Variants in SLC16A2 observed in about 807,000 individuals in gnomAD.
SLC16A2 encodes monocarboxylate transporter 8.
A neutral mutation model predicts 27.2 loss-of-function variants in SLC16A2; 3 were observed. That is an observed-to-expected ratio of 0.11 (90% CI 0.05 to 0.28). The LOEUF (loss-of-function observed/expected upper bound fraction) is 0.28, where lower values mean the gene tolerates loss of function less well. Among genes scored for constraint, SLC16A2 ranks in the 10% least tolerant of loss-of-function variants. SLC16A2 has a pLI of 1.00. For synonymous variants in SLC16A2, 202 were observed against 187.8 expected (o/e 1.08, Z -0.62); for missense variants, 295 against 458.5 (o/e 0.64, Z 3.26).
At chrX:74,433,236 G>A in intron 1 of SLC16A2, among the ~76,000 whole-genome samples, 1 of 110,647 alleles carries the variant, frequency 9.0e-6, no homozygotes, top group African/African-American at 3.3e-5. Flanking sequence ...GCTGGGCGCA[G>A]TGGTGTGCAC....
At chrX:74,439,592 C>T (rs1928705179) in intron 1 of SLC16A2, among the ~76,000 whole-genome samples, 1 of 105,810 alleles carries the variant, frequency 9.5e-6, no homozygotes, top group South Asian at 4.3e-4. Context: ...TCACCCACCA[C>T]ACCCAGCCTC....
chrX:74,448,238 T>C (rs1402533163), intron 1 of SLC16A2, among the ~76,000 whole-genome samples: 1 of 109,186 alleles, frequency 9.2e-6, no homozygotes, highest in Non-Finnish European at 1.9e-5. Flanking sequence ...TTTTAAACAA[T>C]CTTATCAGGT....
intron 1 of SLC16A2, among the ~76,000 whole-genome samples, chrX:74,435,081 C>T (rs768543304): frequency 9.1e-6 from 1 of 109,659 alleles, no homozygotes; most frequent in South Asian, 4.0e-4. Flanking sequence ...CCGCCTGCCT[C>T]GGCCTCCCAA....
chrX:74,475,961 T>C (rs376071881), intron 1 of SLC16A2, among the ~76,000 whole-genome samples: 30 of 111,377 alleles, frequency 2.7e-4, no homozygotes, highest in Admixed American at 3.8e-4. Context: ...CTTGGCAATG[T>C]GGGCTCTTTT....
At chrX:74,528,824 A>G in intron 4 of SLC16A2, among the ~76,000 whole-genome samples, 1 of 111,747 alleles carries the variant, frequency 8.9e-6, no homozygotes, top group Non-Finnish European at 1.9e-5. Context: ...TTTTACTTGG[A>G]TCTGAGAACA....
chrX:74,425,244 A>G (rs1928383418), intron 1 of SLC16A2, among the ~76,000 whole-genome samples: 1 of 111,230 alleles, frequency 9.0e-6, no homozygotes, highest in Non-Finnish European at 1.9e-5. Flanking sequence ...AGGCCTTACT[A>G]GAGCATGCAA....
chrX:74,433,775 A>C (rs1191580547), intron 1 of SLC16A2, among the ~76,000 whole-genome samples: 1 of 111,862 alleles, frequency 8.9e-6, no homozygotes, highest in East Asian at 2.8e-4. Flanking sequence ...TTTAATCAAC[A>C]CCTTACATTC....
chrX:74,496,133 G>A (rs1929929370), intron 1 of SLC16A2, among the ~76,000 whole-genome samples: 1 of 111,333 alleles, frequency 9.0e-6, no homozygotes, highest in Non-Finnish European at 1.9e-5. Flanking sequence ...ATCTTTCCTG[G>A]TCAGGGGTGG....
In SLC16A2 at chrX:74,479,445, C is replaced by T. The variant is rs757883744; in HGVS notation, c.431-41545C>T. 2.4e-3 allele frequency among the ~76,000 whole-genome samples: 270 copies of T among 111,814 alleles called. 1 individual carries two copies. The highest frequency in any genetic ancestry group is 4.4e-3 in the Non-Finnish European group (233 of 53,156). On this transcript the variant is annotated intron_variant, in intron 1 of 5. Coordinates refer to ENST00000587091, the MANE Select transcript of SLC16A2 (RefSeq NM_006517.5). ...TGGGTTTGAACTTCCTCCTTTAGCT[C>T]GGAGTAGTTTGATCTTCTGAAGGCT...
chrX:74,453,019 C>CCTTA (rs1384051709), intron 1 of SLC16A2, among the ~76,000 whole-genome samples: 2 of 108,075 alleles, frequency 1.9e-5, no homozygotes, highest in Non-Finnish European at 3.8e-5. Context: ...GCCCTAGCTC[C>CCTTA]CTTACTCCCT....
Position 74,531,835 on chromosome X carries a change from G to C in SLC16A2, c.*282G>C. ...TGGAACCTCTCCATATACTTTCTAA[G>C]CTCTGGGGGAGGAGGAGGATGGGAC... On this transcript the variant is annotated 3_prime_UTR_variant, in exon 6 of 6. Coordinates refer to ENST00000587091, the MANE Select transcript of SLC16A2 (RefSeq NM_006517.5). 2.6e-6 allele frequency: 1 copy of C among 391,025 alleles called. No homozygotes were observed. Among genetic ancestry groups the C allele is most frequent in the Non-Finnish European group, 4.5e-6 (1 of 221,431 alleles). The allele number at this position is 391,025 out of a possible 1,213,427, so 32.2% of individuals were successfully genotyped here.
At chrX:74,527,282 T>G (rs1309811104) in intron 4 of SLC16A2, among the ~76,000 whole-genome samples, 1 of 112,676 alleles carries the variant, frequency 8.9e-6, no homozygotes, top group Non-Finnish European at 1.9e-5. Flanking sequence ...ACATTATAGC[T>G]GAAACATATC....
chrX:74,435,526 C>CATATATATGT lies in SLC16A2; in HGVS notation c.430+13467_430+13468insGTATATATAT, dbSNP rs765677127. 0.047 allele frequency among the ~76,000 whole-genome samples: 3,190 copies of CATATATATGT among 67,615 alleles called. 406 individuals are homozygous for CATATATATGT. In the East Asian group the frequency reaches 0.76, roughly 16 times the overall value. 58.7% of individuals were successfully genotyped at this position (67,615 alleles called of 115,157 possible). On this transcript the variant is annotated intron_variant, in intron 1 of 5. Coordinates refer to ENST00000587091, the MANE Select transcript of SLC16A2 (RefSeq NM_006517.5). ...ATATGTATATGCATATATATATATG[C>CATATATATGT]ATATATATATGTATATATATATATA...
rs763909787 is a variant in SLC16A2, at chrX:74,524,671, C to T, written c.888C>T (p.Val296=). ...SSQDTPSKRG[V]RTLHQRFLAQ... ...AGGACACCCCAAGCAAGAGAGGTGTCCGCACCCTGCACCAGCGCTTTCTGG... is the reference window on the plus strand; with the variant it reads ...AGGACACCCCAAGCAAGAGAGGTGTTCGCACCCTGCACCAGCGCTTTCTGG... The change falls in exon 3 of 6, where the codon GTC becomes GTT. Residue 296 remains valine, a synonymous_variant. Coordinates refer to ENST00000587091, the MANE Select transcript of SLC16A2 (RefSeq NM_006517.5). 44 of 1,210,114 alleles carry T rather than the reference C, an allele frequency of 3.6e-5. 1 individual carries two copies. In the South Asian group the frequency reaches 6.0e-4, roughly 16 times the overall value.
At chrX:74,524,969 AAG>A (rs1274273548) in intron 3 of SLC16A2, among the ~76,000 whole-genome samples, 160 bp downstream of exon 3, 4 of 111,476 alleles carry the variant, frequency 3.6e-5, no homozygotes, top group Admixed American at 9.5e-5. Flanking sequence ...GAGAGGGAAA[AAG>A]AGAGAGGTTG....
intron 1 of SLC16A2, among the ~76,000 whole-genome samples, chrX:74,425,281 G>A (rs993134311): frequency 2.7e-5 from 3 of 111,446 alleles, no homozygotes; most frequent in African/African-American, 9.8e-5. Flanking sequence ...ACCCTTTGAT[G>A]TATACAGTTT....
intron 1 of SLC16A2, among the ~76,000 whole-genome samples, chrX:74,449,079 A>G (rs1198316660): frequency 9.0e-6 from 1 of 111,621 alleles, no homozygotes; most frequent in Non-Finnish European, 1.9e-5. Context: ...TGTGGAAGGC[A>G]AGGCAGGACT....
At chrX:74,506,025 T>A (rs935742244) in intron 1 of SLC16A2, among the ~76,000 whole-genome samples, 1 of 112,086 alleles carries the variant, frequency 8.9e-6, no homozygotes, top group Non-Finnish European at 1.9e-5. Flanking sequence ...GTGGGACAGA[T>A]CAATGGAGCA....
intron 1 of SLC16A2, among the ~76,000 whole-genome samples, chrX:74,461,858 C>T (rs544762468): frequency 8.1e-5 from 9 of 111,598 alleles, no homozygotes; most frequent in African/African-American, 2.6e-4. Flanking sequence ...AGGAGGAATT[C>T]AGGCTTAATC....
Sources: allele counts gnomAD v4.1 joint callset (sites outside exome capture counted in the v4.1 genomes callset), GRCh38; gene constraint gnomAD v4.1.1; transcripts MANE v1.5; gene names NCBI Gene and HGNC (gene_info 2026-07-23, HGNC 2026-07-21).